SLC26A2: variants seen among roughly 807,000 people sequenced by gnomAD.
SLC26A2 encodes the protein solute carrier family 26 member 2.
Under a neutral mutation model 41.1 loss-of-function variants are expected in SLC26A2, and 36 were observed. The observed-to-expected ratio is 0.88, with a 90% confidence interval of 0.67 to 1.16. SLC26A2 has a LOEUF of 1.16. Among genes scored for constraint, SLC26A2 ranks in the 50% most tolerant of loss-of-function variants. SLC26A2 has a pLI of 0.00. For synonymous variants in SLC26A2, 291 were observed against 311.6 expected (o/e 0.93, Z 0.70); for missense variants, 796 against 869.6 (o/e 0.92, Z 1.07).
At position 149,967,774 on chromosome 5, in the gene SLC26A2, T is replaced by C. The variant is rs139613093; in HGVS notation, c.-26+6795T>C. 2.1e-4 allele frequency among the ~76,000 whole-genome samples: 32 copies of C among 152,038 alleles called. No individual in the cohort carries two copies. The East Asian group carries it at 6.0e-3, about 28-fold the overall frequency. On this transcript the variant is annotated intron_variant, in intron 1 of 2. Coordinates refer to ENST00000286298, the MANE Select transcript of SLC26A2 (RefSeq NM_000112.4). Reference sequence around the variant, plus strand: ...TGTATATATATATTTTTGTTGTTGTTGTTGTTATTCTGTCACCTGGGCTAG... The same window carrying C: ...TGTATATATATATTTTTGTTGTTGTCGTTGTTATTCTGTCACCTGGGCTAG...
chr5:149,971,980 A>G (rs903877167), intron 1 of SLC26A2, among the ~76,000 whole-genome samples: 1 of 152,114 alleles, frequency 6.6e-6, no homozygotes, highest in Non-Finnish European at 1.5e-5. Flanking sequence ...CTAATCCCCC[A>G]TAACCATTCT....
At chr5:149,965,059 G>A (rs1350850516) in intron 1 of SLC26A2, among the ~76,000 whole-genome samples, 1 of 152,198 alleles carries the variant, frequency 6.6e-6, no homozygotes, top group African/African-American at 2.4e-5. Flanking sequence ...TGAATTGTTA[G>A]TATGGAAGTG....
rs934808344 is a variant in SLC26A2 at position 149,982,247 on chromosome 5, C to T, written c.*434C>T. On this transcript the variant is annotated 3_prime_UTR_variant, in exon 3 of 3. Coordinates refer to ENST00000286298, the MANE Select transcript of SLC26A2 (RefSeq NM_000112.4). ...AGAGGGAAAGAATGTTGCACCTGCT[C>T]TAGTACCATAGGTCAAGAGGCTTCT... 7 of 161,966 alleles carry T rather than the reference C, an allele frequency of 4.3e-5. No individual in the cohort carries two copies. The highest frequency in any genetic ancestry group is 1.4e-4 in the African/African-American group (6 of 41,536). 10.0% of individuals were successfully genotyped at this position (161,966 alleles called of 1,614,324 possible).
intron 1 of SLC26A2, among the ~76,000 whole-genome samples, chr5:149,971,857 T>C (rs1432942099): frequency 6.6e-6 from 1 of 152,226 alleles, no homozygotes; most frequent in East Asian, 1.9e-4. Context: ...TAAGTGACTT[T>C]CTCAAAATCT....
intron 1 of SLC26A2, among the ~76,000 whole-genome samples, chr5:149,969,007 G>T (rs1352429352): frequency 6.6e-6 from 1 of 152,074 alleles, no homozygotes; most frequent in Non-Finnish European, 1.5e-5. Flanking sequence ...CTCCCAAAGT[G>T]CTGGGATTAC....
chr5:149,961,389 G>T (rs1754702325), intron 1 of SLC26A2, among the ~76,000 whole-genome samples: 1 of 152,374 alleles, frequency 6.6e-6, no homozygotes, highest in South Asian at 2.1e-4. Context: ...AGGCGAGACG[G>T]CTTGGTTATC....
Position 149,980,497 on chromosome 5 carries a change from C to G in SLC26A2, c.904C>G (p.Leu302Val). 6.2e-7 allele frequency: 1 copy of G among 1,613,770 alleles called. No homozygotes were observed. ...CTTCAGAAACATCCATAAGACCAATCTCTGTGATCTTATCACCAGCCTTTT... is the reference window on the plus strand; with the variant it reads ...CTTCAGAAACATCCATAAGACCAATGTCTGTGATCTTATCACCAGCCTTTT... Reference protein sequence around the residue: ...HVFRNIHKTNLCDLITSLLCL... With the variant: ...HVFRNIHKTNVCDLITSLLCL... The change falls in exon 3 of 3, where the codon CTC (leucine) becomes GTC (valine). Residue 302 changes from leucine (L) to valine (V), a missense_variant. By Grantham distance (32) the Leu-to-Val change is conservative. Coordinates refer to ENST00000286298, the MANE Select transcript of SLC26A2 (RefSeq NM_000112.4).
At chr5:149,966,089 G>C (rs534164242) in intron 1 of SLC26A2, among the ~76,000 whole-genome samples, 2 of 152,268 alleles carry the variant, frequency 1.3e-5, no homozygotes, top group South Asian at 4.1e-4. Context: ...ATTTTTAGTA[G>C]AGATAGAATT....
chr5:149,974,843 G>A (rs1000375222), intron 1 of SLC26A2, among the ~76,000 whole-genome samples: 10 of 149,250 alleles, frequency 6.7e-5, no homozygotes, highest in South Asian at 2.1e-4. Flanking sequence ...CTCCTGCCTC[G>A]GCCTCGCGAG....
chr5:149,970,654 A>C (rs1044395797), intron 1 of SLC26A2, among the ~76,000 whole-genome samples: 1 of 152,212 alleles, frequency 6.6e-6, no homozygotes, highest in Non-Finnish European at 1.5e-5. Context: ...CAGCAACTGC[A>C]AAAAAGCCAG....
At chr5:149,979,804 T>G (rs1755060221) in intron 2 of SLC26A2, among the ~76,000 whole-genome samples, 1 of 152,264 alleles carries the variant, frequency 6.6e-6, no homozygotes, top group Non-Finnish European at 1.5e-5. Context: ...AAAACTTCAC[T>G]TGTACACTTG....
intron 1 of SLC26A2, among the ~76,000 whole-genome samples, chr5:149,966,071 A>G (rs1252705357): frequency 6.6e-6 from 1 of 152,060 alleles, no homozygotes; most frequent in Non-Finnish European, 1.5e-5. Flanking sequence ...CGCCTGGCTA[A>G]TTTTTGGATT....
chr5:149,986,543 T>G lies in SLC26A2; in HGVS notation c.*4730T>G, dbSNP rs1400327181. 1 of 152,008 alleles carries G rather than the reference T, an allele frequency of 6.6e-6. No individual in the cohort carries two copies. Among genetic ancestry groups the G allele is most frequent in the East Asian group, 1.9e-4 (1 of 5,198 alleles). The allele number at this position is 152,008 out of a possible 1,614,324, so 9.4% of individuals were successfully genotyped here. On this transcript the variant is annotated 3_prime_UTR_variant, in exon 3 of 3. Transcript: ENST00000286298. ...GGTAATTTTTATCCTGATAAGGACT[T>G]AAAAAAAAGTTTTGCAACTGAAATT...
chr5:149,971,620 G>T (rs1023713422), intron 1 of SLC26A2, among the ~76,000 whole-genome samples: 3 of 151,982 alleles, frequency 2.0e-5, no homozygotes, highest in Non-Finnish European at 2.9e-5. Context: ...GGCTGATCTC[G>T]AACTCCTGGC....
rs1754688827 is a variant in SLC26A2 at position 149,960,860 on chromosome 5, G to C, written c.-145G>C. The C allele has an allele frequency of 2.0e-5, 3 of 152,434 alleles. No homozygotes were observed. The South Asian group carries it at 6.2e-4, about 32-fold the overall frequency. 9.4% of individuals were successfully genotyped at this position (152,434 alleles called of 1,614,324 possible). ...CGCCTCCTTCGGAGTCCGAGCGATG[G>C]GCGGGGAAAGGGACAGGCAGGTATA... On this transcript the variant is annotated 5_prime_UTR_variant, in exon 1 of 3. Transcript: ENST00000286298.
chr5:149,964,156 ATGAATGCTTC>A (rs750441799), intron 1 of SLC26A2, among the ~76,000 whole-genome samples: 8 of 152,142 alleles, frequency 5.3e-5, no homozygotes, highest in Non-Finnish European at 1.2e-4. Context: ...CATCTTGCTA[ATGAATGCTTC>A]TTTTGAAGAA....
intron 1 of SLC26A2, among the ~76,000 whole-genome samples, chr5:149,967,791 C>G (rs1754830646): frequency 6.6e-6 from 1 of 151,738 alleles, no homozygotes; most frequent in Admixed American, 6.6e-5. Flanking sequence ...ATTCTGTCAC[C>G]TGGGCTAGAG....
chr5:149,980,152 T>A (rs1755065409), intron 2 of SLC26A2, 141 bp from the exon 3 acceptor site: 1 of 726,070 alleles, frequency 1.4e-6, no homozygotes, highest in African/African-American at 1.8e-5. Context: ...ATGAGAAGAT[T>A]GATATATGAT....
chr5:149,962,878 A>G (rs1754736818), intron 1 of SLC26A2, among the ~76,000 whole-genome samples: 2 of 152,160 alleles, frequency 1.3e-5, no homozygotes, highest in South Asian at 2.1e-4. Context: ...CTAAGCATTT[A>G]TTAGGTGCAA....
Sources: gnomAD v4.1 joint callset for allele counts (sites outside exome capture counted in the v4.1 genomes callset) on GRCh38, gnomAD v4.1.1 for gene constraint, MANE v1.5 for transcripts, NCBI Gene and HGNC (gene_info 2026-07-23, HGNC 2026-07-21) for gene names.